The following STK3 variants were observed in gnomAD, a reference collection of about 807,000 sequenced individuals.
STK3 encodes the protein serine/threonine-protein kinase 3.
In STK3, 41 loss-of-function variants were observed where a neutral mutation model predicts 58.0. The ratio of observed to expected loss-of-function variants is 0.71; its 90% CI spans 0.55 to 0.92. The LOEUF (loss-of-function observed/expected upper bound fraction) is 0.92, where lower values mean the gene tolerates loss of function less well. STK3 is among the 40% of genes least tolerant of loss of function. The pLI, the probability that STK3 is intolerant of heterozygous loss-of-function variation, is 0.00. For synonymous variants in STK3, 170 were observed against 191.0 expected (o/e 0.89, Z 0.91); for missense variants, 479 against 602.7 (o/e 0.79, Z 2.15).
At chr8:98,720,960 TCAGA>T (rs998399868) in intron 4 of STK3, 140 of 363,516 alleles carry the variant, frequency 3.9e-4, no homozygotes, top group African/African-American at 2.2e-3. Context: ...TCCCTGAATA[TCAGA>T]CAGAGTACCT....
chr8:98,475,240 G>A (rs373657775), intron 10 of STK3, among the ~76,000 whole-genome samples: 4 of 152,044 alleles, frequency 2.6e-5, no homozygotes, highest in Admixed American at 6.5e-5. Flanking sequence ...AGTAGGAGCC[G>A]GAAGCTTTGT....
In STK3 at chr8:98,634,629, G is replaced by GA. The variant is rs1819501608; in HGVS notation, c.685-38461dup. Among the ~76,000 whole-genome samples, 4 of 152,178 alleles carry GA rather than the reference G, an allele frequency of 2.6e-5. No individual in the cohort carries two copies. The South Asian group carries it at 8.3e-4, about 32-fold the overall frequency. On this transcript the variant is annotated intron_variant, in intron 6 of 10. Transcript: ENST00000419617. ...ATATAAAGGGAGAAACAAGCCTGATGAAAAAACAGTGAAAACAACTTGGAG... is the reference window on the plus strand; with the variant it reads ...ATATAAAGGGAGAAACAAGCCTGATGAAAAAAACAGTGAAAACAACTTGGAG...
Position 98,682,358 on chromosome 8 carries a change from T to C in STK3, c.684+24109A>G, listed in dbSNP as rs1215018354. Among the ~76,000 whole-genome samples the C allele has an allele frequency of 2.6e-5, 4 of 152,304 alleles. No homozygotes were observed. The East Asian group carries it at 7.7e-4, about 29-fold the overall frequency. On this transcript the variant is annotated intron_variant, in intron 6 of 10. Transcript: ENST00000419617. ...AACATATTTTCAGTGTAAGCCACAA[T>C]TGTTATGTTAAATTACTTCTTTCTT...
At chr8:98,900,679 T>G (rs1212291724) in intron 1 of STK3, among the ~76,000 whole-genome samples, 1 of 151,330 alleles carries the variant, frequency 6.6e-6, no homozygotes, top group Non-Finnish European at 1.5e-5. Flanking sequence ...TTTTTTTTTC[T>G]GAGACAGGGT....
At chr8:98,472,126 G>C (rs1820968480) in intron 10 of STK3, among the ~76,000 whole-genome samples, 1 of 152,124 alleles carries the variant, frequency 6.6e-6, no homozygotes, top group Non-Finnish European at 1.5e-5. Context: ...GGCACCAAGA[G>C]TTTGAACTTT....
intron 6 of STK3, among the ~76,000 whole-genome samples, chr8:98,613,387 CA>C (rs1303225036): frequency 2.0e-5 from 3 of 151,348 alleles, no homozygotes; most frequent in Non-Finnish European, 4.4e-5. Flanking sequence ...AAGTCAACAC[CA>C]AAAAAAGACA....
chr8:98,466,565 C>T (rs1268937865), intron 10 of STK3, among the ~76,000 whole-genome samples: 3 of 152,096 alleles, frequency 2.0e-5, no homozygotes, highest in African/African-American at 4.8e-5. Flanking sequence ...ACCTTCTCGC[C>T]GTCTCTTTCT....
At chr8:98,769,942 T>C (rs1377509257) in intron 2 of STK3, among the ~76,000 whole-genome samples, 1 of 152,198 alleles carries the variant, frequency 6.6e-6, no homozygotes, top group Non-Finnish European at 1.5e-5. Context: ...ACTCTAGGTA[T>C]AGTCTTACTG....
rs1831232809 is a variant in STK3, at chr8:98,770,413, T to C, written c.108-3042A>G. On this transcript the variant is annotated intron_variant, in intron 2 of 10. Coordinates refer to ENST00000419617, the MANE Select transcript of STK3 (RefSeq NM_006281.4). ...ATATGTGTGAGAACAAATTCTAAGA[T>C]TTCCAGAGAGGAAGAAATGTACTGA... Among the ~76,000 whole-genome samples the C allele has an allele frequency of 2.6e-5, 4 of 152,344 alleles. No homozygotes were observed. The South Asian group carries it at 8.3e-4, about 32-fold the overall frequency.
chr8:98,372,301 A>C (rs2130990441), intron 2 of STK3, among the ~76,000 whole-genome samples: 1 of 152,208 alleles, frequency 6.6e-6, no homozygotes. Flanking sequence ...TTGTTAAGGA[A>C]CCCTGGGAAA....
chr8:98,827,078 G>A (rs1406290998), upstream of STK3, among the ~76,000 whole-genome samples: 1 of 134,922 alleles, frequency 7.4e-6, no homozygotes, highest in Non-Finnish European at 1.6e-5. Context: ...GCTCACGCCT[G>A]TAATCCCAAT....
chr8:98,743,966 A>G (rs1829447303), intron 4 of STK3, among the ~76,000 whole-genome samples: 2 of 152,196 alleles, frequency 1.3e-5, no homozygotes, highest in African/African-American at 2.4e-5. Flanking sequence ...TGCAGCCAAA[A>G]AACACATGAG....
downstream of STK3, chr8:98,881,065 A>T (rs1459830952): frequency 1.3e-5 from 2 of 152,246 alleles, no homozygotes; most frequent in Non-Finnish European, 2.9e-5. Flanking sequence ...ATAGCATATT[A>T]TTATTTAGTT....
chr8:98,771,627 C>A lies in STK3; in HGVS notation c.107+3112G>T, dbSNP rs1458700777. On this transcript the variant is annotated intron_variant, in intron 2 of 10. Transcript: ENST00000419617. ...TCACCCAGGCCAGAGTGCAATGGCA[C>A]AATCTCGGCTCACTGCAACCTCCGC... Among the ~76,000 whole-genome samples, 3 of 151,914 alleles carry A rather than the reference C, an allele frequency of 2.0e-5. No homozygotes were observed. The East Asian group carries it at 5.8e-4, about 29-fold the overall frequency.
intron 1 of STK3, among the ~76,000 whole-genome samples, chr8:98,783,489 G>A (rs117806137): frequency 0.024 from 3,649 of 152,270 alleles, 41 homozygotes; most frequent in African/African-American, 0.034. Context: ...AGCCTACAAC[G>A]AGTCAAAATC....
Position 98,800,205 on chromosome 8 carries a change from C to T in STK3, c.26+25310G>A, listed in dbSNP as rs550699955. Among the ~76,000 whole-genome samples the T allele has an allele frequency of 2.6e-5, 4 of 152,288 alleles. No individual in the cohort carries two copies. The highest frequency in any genetic ancestry group is 9.6e-5 in the African/African-American group (4 of 41,572). On this transcript the variant is annotated intron_variant, in intron 1 of 10. Coordinates refer to ENST00000419617, the MANE Select transcript of STK3 (RefSeq NM_006281.4). The surrounding 1 kb of genome is among the most constrained non-coding windows in gnomAD (Gnocchi z 4.8). Reference sequence around the variant, plus strand: ...GGCCACCAAGCTACAGATGGTCTTACAAATGGAACCTCAAATGAGTTCAAC... The same window carrying T: ...GGCCACCAAGCTACAGATGGTCTTATAAATGGAACCTCAAATGAGTTCAAC...
intron 10 of STK3, among the ~76,000 whole-genome samples, chr8:98,497,504 T>C (rs939807331): frequency 2.0e-5 from 3 of 151,882 alleles, no homozygotes; most frequent in Non-Finnish European, 2.9e-5. Context: ...ACAGTGAAAA[T>C]ACAGCCCACA....
At chr8:98,585,960 T>C (rs1194551195) in intron 7 of STK3, among the ~76,000 whole-genome samples, 2 of 152,164 alleles carry the variant, frequency 1.3e-5, no homozygotes, top group Non-Finnish European at 2.9e-5. Flanking sequence ...TCCTGAAACT[T>C]TGCTGAAGTT....
At chr8:98,869,846 T>TA (rs1564073069) in intron 3 of STK3, among the ~76,000 whole-genome samples, 1 of 151,636 alleles carries the variant, frequency 6.6e-6, no homozygotes, top group Non-Finnish European at 1.5e-5. Context: ...TTTTCTTTTT[T>TA]TTATTATTAT....
Sources: gnomAD v4.1 joint callset for allele counts (sites outside exome capture counted in the v4.1 genomes callset) on GRCh38, gnomAD v4.1.1 for gene constraint, Gnocchi (gnomAD v3.1) non-coding constraint, MANE v1.5 for transcripts, NCBI Gene and HGNC (gene_info 2026-07-23, HGNC 2026-07-21) for gene names.